Variants in SLC2A9 observed in about 807,000 individuals in gnomAD.
The protein encoded by SLC2A9 is solute carrier family 2, facilitated glucose transporter member 9.
SLC2A9 carries 39 observed loss-of-function variants against 50.6 expected under a neutral mutation model. That is an observed-to-expected ratio of 0.77 (90% CI 0.60 to 1.01). The LOEUF is 1.01. SLC2A9 is among the 50% of genes least tolerant of loss of function. The probability of loss-of-function intolerance (pLI) is 0.00; values close to 1 mark genes in which losing one functional copy is unlikely to be tolerated. For missense variants in SLC2A9, 686 were observed against 677.6 expected, an observed-to-expected ratio of 1.01 and a Z score of -0.14; for synonymous variants, 324 against 276.9, an observed-to-expected ratio of 1.17 and a Z score of -1.69.
At chr4:9,833,479 C>T (rs1429152764) in intron 11 of SLC2A9, among the ~76,000 whole-genome samples, 1 of 152,080 alleles carries the variant, frequency 6.6e-6, no homozygotes, top group African/African-American at 2.4e-5. Flanking sequence ...GACCTCCTTG[C>T]CTGTACAGTG....
intron 8 of SLC2A9, among the ~76,000 whole-genome samples, chr4:9,904,605 G>T (rs1740286523): frequency 6.6e-6 from 1 of 152,148 alleles, no homozygotes; most frequent in Non-Finnish European, 1.5e-5. Flanking sequence ...ACATCTTGGG[G>T]AGCCATTGTT....
intron 10 of SLC2A9, among the ~76,000 whole-genome samples, chr4:9,886,967 TC>T (rs1736385024): frequency 6.6e-6 from 1 of 152,136 alleles, no homozygotes; most frequent in Non-Finnish European, 1.5e-5. Context: ...TAGAAGTGAG[TC>T]CCAGGTAAAC....
At chr4:9,931,797 C>T (rs186498452) in intron 6 of SLC2A9, among the ~76,000 whole-genome samples, 11 of 151,432 alleles carry the variant, frequency 7.3e-5, no homozygotes, top group South Asian at 2.1e-4. Context: ...GAACAAGGAA[C>T]GGGTTCTGCT....
chr4:9,814,200 C>A (rs11722614), intron 3 of SLC2A9, among the ~76,000 whole-genome samples: 1 of 152,132 alleles, frequency 6.6e-6, no homozygotes, highest in South Asian at 2.1e-4. Context: ...GGACATTCTA[C>A]ACAGAGGAAA....
downstream of SLC2A9, among the ~76,000 whole-genome samples, chr4:9,821,699 T>C (rs1361398723): frequency 2.0e-5 from 3 of 152,236 alleles, no homozygotes; most frequent in Non-Finnish European, 4.4e-5. Context: ...TCTGCAGTTT[T>C]ATTTTCTTGT....
chr4:9,891,368 G>T (rs1737392454), intron 8 of SLC2A9, among the ~76,000 whole-genome samples: 1 of 152,182 alleles, frequency 6.6e-6, no homozygotes, highest in Non-Finnish European at 1.5e-5. Context: ...AGTAATTGTA[G>T]CCGAATGTCA....
At chr4:9,870,851 G>A (rs2867394) in intron 10 of SLC2A9, among the ~76,000 whole-genome samples, 38,474 of 152,066 alleles carry the variant, frequency 0.25, 5,468 homozygotes, top group African/African-American at 0.36. Flanking sequence ...GTCTCCTTGC[G>A]GAGACTTTGT....
chr4:9,974,711 T>A (rs1382173215), intron 5 of SLC2A9, among the ~76,000 whole-genome samples: 1 of 152,144 alleles, frequency 6.6e-6, no homozygotes, highest in Non-Finnish European at 1.5e-5. Flanking sequence ...ACTATTTCTA[T>A]CAAGCTACCA....
At chr4:9,962,267 T>G (rs1300839183) in intron 5 of SLC2A9, among the ~76,000 whole-genome samples, 1 of 152,182 alleles carries the variant, frequency 6.6e-6, no homozygotes, top group Non-Finnish European at 1.5e-5. Flanking sequence ...TGCATGCATG[T>G]GTAAGTTCAT....
intron 2 of SLC2A9, among the ~76,000 whole-genome samples, chr4:10,014,422 G>T (rs1049109894): frequency 6.6e-6 from 1 of 152,188 alleles, no homozygotes; most frequent in African/African-American, 2.4e-5. Flanking sequence ...ACCTCGGAAG[G>T]GCCTCCCAGG....
downstream of SLC2A9, among the ~76,000 whole-genome samples, chr4:9,822,322 T>C (rs1042225180): frequency 1.3e-5 from 2 of 152,178 alleles, no homozygotes; most frequent in African/African-American, 4.8e-5. Flanking sequence ...TATTATTTTC[T>C]TCCCTGTGTT....
rs1403888521 is a variant in SLC2A9 at position 9,931,954 on chromosome 4, CTCTCTCTCTATATATATATATA to C, written c.814+9937_814+9958del. 1.2e-4 allele frequency among the ~76,000 whole-genome samples: 6 copies of C among 50,578 alleles called. No individual in the cohort carries two copies. In the East Asian group the frequency reaches 4.5e-3, roughly 38 times the overall value. 33.2% of individuals were successfully genotyped at this position (50,578 alleles called of 152,430 possible). ...TCTCTCTCTCTCTCTCTCTCTCTCT[CTCTCTCTCTATATATATATATA>C]TATATATATATATATATATATATGC... On this transcript the variant is annotated intron_variant, in intron 6 of 11. Coordinates refer to ENST00000264784, the MANE Select transcript of SLC2A9 (RefSeq NM_020041.3).
At chr4:9,963,941 C>T (rs1462292900) in intron 5 of SLC2A9, among the ~76,000 whole-genome samples, 3 of 152,068 alleles carry the variant, frequency 2.0e-5, no homozygotes, top group Admixed American at 1.3e-4. Flanking sequence ...CTTGTTAATT[C>T]CAATGTGCTG....
At chr4:9,774,791 C>G (rs561954121) in intron 1 of SLC2A9, among the ~76,000 whole-genome samples, 2 of 151,598 alleles carry the variant, frequency 1.3e-5, no homozygotes, top group South Asian at 2.1e-4. Flanking sequence ...TTCTTTTTCT[C>G]TATCTTCCTC....
Position 9,862,258 on chromosome 4 carries a change from T to C in SLC2A9, c.1291+25309A>G, listed in dbSNP as rs534233879. On this transcript the variant is annotated intron_variant, in intron 10 of 11. Coordinates refer to ENST00000264784, the MANE Select transcript of SLC2A9 (RefSeq NM_020041.3). ...GGAGCTTACACCAGAGGAACCTACATGAACCAGTTTCCCTAACCCACCTCG... is the reference window on the plus strand; with the variant it reads ...GGAGCTTACACCAGAGGAACCTACACGAACCAGTTTCCCTAACCCACCTCG... Among the ~76,000 whole-genome samples the C allele has an allele frequency of 7.2e-5, 11 of 152,162 alleles. No homozygotes were observed. In the East Asian group the frequency reaches 2.1e-3, roughly 29 times the overall value.
chr4:9,836,862 T>C (rs1190837871), intron 10 of SLC2A9, among the ~76,000 whole-genome samples: 1 of 151,914 alleles, frequency 6.6e-6, no homozygotes, highest in Admixed American at 6.6e-5. Context: ...AAAGGAAGGG[T>C]CTGAATTTGG....
chr4:10,036,737 A>G (rs1475178186), intron 1 of SLC2A9, among the ~76,000 whole-genome samples: 1 of 152,244 alleles, frequency 6.6e-6, no homozygotes, highest in Non-Finnish European at 1.5e-5. Context: ...TCCATCATCC[A>G]GATTCTATCC....
chr4:10,014,260 A>G (rs552832645), intron 2 of SLC2A9, among the ~76,000 whole-genome samples: 3 of 152,284 alleles, frequency 2.0e-5, no homozygotes, highest in South Asian at 2.1e-4. Context: ...GAGCTCCTCC[A>G]GCATCACATC....
chr4:9,955,621 T>C (rs1053324907), intron 5 of SLC2A9, among the ~76,000 whole-genome samples: 7 of 152,086 alleles, frequency 4.6e-5, no homozygotes, highest in African/African-American at 1.7e-4. Flanking sequence ...TAACGCTTTT[T>C]AATAAGCTTT....
Sources: allele counts gnomAD v4.1 joint callset (sites outside exome capture counted in the v4.1 genomes callset), GRCh38; gene constraint gnomAD v4.1.1; transcripts MANE v1.5; gene names NCBI Gene and HGNC (gene_info 2026-07-23, HGNC 2026-07-21).